CACNA1I: variants seen among roughly 807,000 people sequenced by gnomAD.
CACNA1I encodes the protein voltage-dependent T-type calcium channel subunit alpha-1I.
In CACNA1I, 74 loss-of-function variants were observed where a neutral mutation model predicts 201.6. The ratio of observed to expected loss-of-function variants is 0.37; its 90% CI spans 0.30 to 0.45. The LOEUF (loss-of-function observed/expected upper bound fraction) is 0.45, where lower values mean the gene tolerates loss of function less well. CACNA1I is among the 20% of genes least tolerant of loss of function. The probability of loss-of-function intolerance (pLI) is 1.00; values close to 1 mark genes in which losing one functional copy is unlikely to be tolerated. For missense variants in CACNA1I, 2,346 were observed against 3,138.1 expected (o/e 0.75, Z 6.03); for synonymous variants, 1,431 against 1,345.2 (o/e 1.06, Z -1.40).
At chr22:39,644,018 A>G (rs1934413062) in intron 7 of CACNA1I, among the ~76,000 whole-genome samples, 1 of 152,158 alleles carries the variant, frequency 6.6e-6, no homozygotes, top group Admixed American at 6.5e-5. Flanking sequence ...AGCCCAGAGA[A>G]GGCTCCCGAT....
Position 39,679,835 on chromosome 22 carries a change from C to A in CACNA1I, c.5508C>A (p.Ala1836=), listed in dbSNP as rs779513005. 6.2e-7 allele frequency: 1 copy of A among 1,612,690 alleles called. No homozygotes were observed. The highest frequency in any genetic ancestry group is 8.5e-7 in the Non-Finnish European group (1 of 1,179,482). ...GSIFHHYSSP[A]GCKKCHHDKQ... is the part of the protein sequence containing the mutation. The stretch of plus-strand genomic sequence containing the variant: ...TCTTCCACCACTACTCCTCGCCTGC[C>A]GGCTGCAAGAAGTGTCACCACGACA... The change falls in exon 33 of 37, where the codon GCC becomes GCA. Residue 1836 remains alanine (A), a synonymous_variant. Coordinates refer to ENST00000402142, the MANE Select transcript of CACNA1I (RefSeq NM_021096.4).
Position 39,598,274 on chromosome 22 carries a change from G to GGGC in CACNA1I, c.348+12_348+13insGGC. 7.6e-7 allele frequency: 1 copy of GGGC among 1,311,218 alleles called. No homozygotes were observed. 81.2% of individuals were successfully genotyped at this position (1,311,218 alleles called of 1,614,324 possible). A position where few individuals can be genotyped will look rare whatever the true frequency, so the allele number is the denominator to read the frequency against. On this transcript the variant is annotated intron_variant, in intron 2 of 36. Coordinates refer to ENST00000402142, the MANE Select transcript of CACNA1I (RefSeq NM_021096.4). ...GCAAGATCCTGCAGGTGAGCCGGCC[G>GGGC]CCCCGCCCCGCCCCGCCCTGCCCTC...
chr22:39,659,748 A>G lies in CACNA1I; in HGVS notation c.2500A>G (p.Thr834Ala), dbSNP rs1175637475. ...NVVLYNGMAS[T>A]SPWASLYFVA... is the part of the protein sequence containing the mutation. ...CGTTCTCTACAATGGCATGGCCTCCACTTCTCCCTGGGCCTCCCTCTACTT... is the reference window on the plus strand; with the variant it reads ...CGTTCTCTACAATGGCATGGCCTCCGCTTCTCCCTGGGCCTCCCTCTACTT... Residue 834 changes from threonine (T) to alanine (A), a missense_variant, in exon 14 of 37, where the codon ACT becomes GCT. This residue lies in a region of CACNA1I where 155 missense variants were observed against 300.8 expected (regional missense o/e 0.52). Coordinates refer to ENST00000402142, the MANE Select transcript of CACNA1I (RefSeq NM_021096.4). The surrounding 1 kb of genome is among the most constrained non-coding windows in gnomAD (Gnocchi z 4.3). 3 of 1,613,790 alleles carry G rather than the reference A, an allele frequency of 1.9e-6. No individual in the cohort carries two copies. The highest frequency in any genetic ancestry group is 2.5e-6 in the Non-Finnish European group (3 of 1,179,846).
In CACNA1I at chr22:39,648,057, C is replaced by G; in HGVS notation, c.1567+131C>G. 2 of 782,646 alleles carry G rather than the reference C, an allele frequency of 2.6e-6. No individual in the cohort carries two copies. The highest frequency in any genetic ancestry group is 2.7e-5 in the East Asian group (1 of 37,258). The allele number at this position is 782,646 out of a possible 1,614,324, so 48.5% of individuals were successfully genotyped here. A position where few individuals can be genotyped will look rare whatever the true frequency, so the allele number is the denominator to read the frequency against. The stretch of plus-strand genomic sequence containing the variant: ...GCCGCGACCCTCTGCAGGCCTGTCT[C>G]CCTCTATAAAGTGAGGACAGGGGCC... On this transcript the variant is annotated intron_variant, in intron 9 of 36. Coordinates refer to ENST00000402142, the MANE Select transcript of CACNA1I (RefSeq NM_021096.4). This position sits in a 1 kb window ranked among gnomAD's most constrained non-coding sequence, Gnocchi z 5.4.
intron 1 of CACNA1I, among the ~76,000 whole-genome samples, chr22:39,587,120 T>C (rs1334622183): frequency 6.6e-6 from 1 of 152,238 alleles, no homozygotes; most frequent in Non-Finnish European, 1.5e-5. Context: ...CTCTGTTTCC[T>C]GCCATTGCCT....
chr22:39,673,296 C>T (rs1283923539), intron 28 of CACNA1I, among the ~76,000 whole-genome samples: 1 of 152,104 alleles, frequency 6.6e-6, no homozygotes, highest in African/African-American at 2.4e-5. Context: ...ACACCTCCCC[C>T]AACACACAGG....
intron 1 of CACNA1I, among the ~76,000 whole-genome samples, chr22:39,581,904 G>C (rs1305039265): frequency 5.3e-5 from 8 of 152,174 alleles, no homozygotes. Flanking sequence ...TCTTCCCCAA[G>C]TTCAAATCCT....
chr22:39,645,192 G>A (rs1449374232), intron 7 of CACNA1I, among the ~76,000 whole-genome samples: 1 of 149,612 alleles, frequency 6.7e-6, no homozygotes, highest in Admixed American at 6.7e-5. Context: ...TCATGATGTT[G>A]GCCAGGCTGG....
intron 3 of CACNA1I, among the ~76,000 whole-genome samples, chr22:39,608,836 GA>G (rs908803155): frequency 3.8e-4 from 57 of 149,890 alleles, no homozygotes; most frequent in South Asian, 2.3e-3. Flanking sequence ...AAAGAAAAGA[GA>G]AAAAAAAAAT....
Position 39,686,310 on chromosome 22 carries a change from C to A in CACNA1I, c.6577C>A (p.Pro2193Thr). ...DRSKDPPGRAPLPMGLGPLAP... is the reference protein window; with the variant it reads ...DRSKDPPGRATLPMGLGPLAP... ...CAGCAAGGACCCCCCCGGCCGGGCACCGCTGCCCATGGGCCTGGGCCCCTT... is the reference window on the plus strand; with the variant it reads ...CAGCAAGGACCCCCCCGGCCGGGCAACGCTGCCCATGGGCCTGGGCCCCTT... Residue 2193 changes from proline (P) to threonine (T), a missense_variant, in exon 37 of 37, where the codon CCG becomes ACG. By Grantham distance (38) the Pro-to-Thr change is conservative (BLOSUM62 -1). Around this residue, in one of 13 missense-constraint regions of CACNA1I, gnomAD observed 187 missense variants for 151.0 expected, o/e 1.24. Transcript: ENST00000402142. The A allele has an allele frequency of 7.5e-7, 1 of 1,334,128 alleles. No individual in the cohort carries two copies. Among genetic ancestry groups the A allele is most frequent in the Non-Finnish European group, 9.6e-7 (1 of 1,038,626 alleles). 82.6% of individuals were successfully genotyped at this position (1,334,128 alleles called of 1,614,324 possible). A position where few individuals can be genotyped will look rare whatever the true frequency, so the allele number is the denominator to read the frequency against.
At position 39,686,051 on chromosome 22, in the gene CACNA1I, G is replaced by A; in HGVS notation, c.6318G>A (p.Ser2106=). The change falls in exon 37 of 37, where the codon TCG becomes TCA. Residue 2106 remains serine, a synonymous_variant. Transcript: ENST00000402142. The part of the protein sequence containing the change: ...GCTHHDSMDP[S]DEEGRGGAGG... The stretch of plus-strand genomic sequence containing the variant: ...CCCACCACGACTCCATGGACCCCTC[G>A]GACGAGGAGGGCCGCGGTGGCGCGG... 3 of 1,236,094 alleles carry A rather than the reference G, an allele frequency of 2.4e-6. No individual in the cohort carries two copies. The highest frequency in any genetic ancestry group is 3.0e-6 in the Non-Finnish European group (3 of 993,602). The allele number at this position is 1,236,094 out of a possible 1,614,324, so 76.6% of individuals were successfully genotyped here.
rs1048809300 is a variant in CACNA1I, at chr22:39,607,341, G to A, written c.482+6688G>A. Among the ~76,000 whole-genome samples the A allele has an allele frequency of 7.9e-5, 12 of 152,370 alleles. No homozygotes were observed. The South Asian group carries it at 2.5e-3, about 32-fold the overall frequency. ...CCTTCTCAATGTTCCTCCAACGTCA[G>A]GGAGCAGCAGGATCACTGGGGCATG... is the stretch of plus-strand genomic sequence containing the variant. On this transcript the variant is annotated intron_variant, in intron 3 of 36. Transcript: ENST00000402142.
rs894683406 is a variant in CACNA1I at position 39,676,178 on chromosome 22, C to A, written c.4855-1163C>A. ...CGGCAATCCTGGTTAAGAGATGCTG[C>A]CCCCGCCGGCCTGTGCAGGGCACAA... On this transcript the variant is annotated intron_variant, in intron 29 of 36. Coordinates refer to ENST00000402142, the MANE Select transcript of CACNA1I (RefSeq NM_021096.4). The surrounding 1 kb of genome is among the most constrained non-coding windows in gnomAD (Gnocchi z 4.8). Among the ~76,000 whole-genome samples the A allele has an allele frequency of 2.0e-5, 3 of 152,206 alleles. No homozygotes were observed. Among genetic ancestry groups the A allele is most frequent in the African/African-American group, 7.2e-5 (3 of 41,448 alleles).
At position 39,677,305 on chromosome 22, in the gene CACNA1I, C is replaced by A; in HGVS notation, c.4855-36C>A. On this transcript the variant is annotated intron_variant, in intron 29 of 36. Transcript: ENST00000402142. This position sits in a 1 kb window ranked among gnomAD's most constrained non-coding sequence, Gnocchi z 4.8. Reference sequence around the variant, plus strand: ...CAGGCCTGGTGCGCCCCCACCCGCTCCCCAGCCCCACCCGGCCTCACCTGT... The same window carrying A: ...CAGGCCTGGTGCGCCCCCACCCGCTACCCAGCCCCACCCGGCCTCACCTGT... The A allele has an allele frequency of 6.7e-7, 1 of 1,483,336 alleles. No individual in the cohort carries two copies. Among genetic ancestry groups the A allele is most frequent in the Non-Finnish European group, 9.2e-7 (1 of 1,090,916 alleles). 91.9% of individuals were successfully genotyped at this position (1,483,336 alleles called of 1,614,324 possible). A position where few individuals can be genotyped will look rare whatever the true frequency, so the allele number is the denominator to read the frequency against.
intron 5 of CACNA1I, 115 bp downstream of exon 5, chr22:39,634,839 A>C (rs1171573943): frequency 6.2e-6 from 6 of 965,712 alleles, no homozygotes; most frequent in Non-Finnish European, 9.1e-6. Flanking sequence ...AAAAAAAGAG[A>C]GGTCAGGTAG....
chr22:39,646,541 C>A (rs1373549700), intron 7 of CACNA1I, 28 bp from the exon 8 acceptor site: 2 of 1,517,532 alleles, frequency 1.3e-6, no homozygotes, highest in Admixed American at 4.0e-5. Context: ...CTGTCCCTGT[C>A]CCTGTCCTCT....
Position 39,686,231 on chromosome 22 carries a change from C to T in CACNA1I, c.6498C>T (p.His2166=), listed in dbSNP as rs1294996404. The T allele has an allele frequency of 4.8e-6, 6 of 1,240,476 alleles. No homozygotes were observed. The East Asian group carries it at 1.4e-4, about 28-fold the overall frequency. 76.8% of individuals were successfully genotyped at this position (1,240,476 alleles called of 1,614,324 possible). ...TSSLAAPGRP[H]AAALAHGLAR... ...GCCTGGCCGCCCCCGGCCGCCCCCA[C>T]GCCGCCGCCCTGGCCCACGGCCTGG... The change falls in exon 37 of 37, where the codon CAC becomes CAT. Residue 2166 remains histidine (H), a synonymous_variant. Coordinates refer to ENST00000402142, the MANE Select transcript of CACNA1I (RefSeq NM_021096.4).
At chr22:39,645,762 C>G (rs136824) in intron 7 of CACNA1I, among the ~76,000 whole-genome samples, 28,883 of 152,172 alleles carry the variant, frequency 0.19, 3,670 homozygotes, top group African/African-American at 0.36. Flanking sequence ...GAGGGGGCTG[C>G]GCCCTGAAAG....
intron 7 of CACNA1I, 110 bp from the exon 8 acceptor site, chr22:39,646,459 C>G: frequency 6.9e-7 from 1 of 1,441,212 alleles, no homozygotes; most frequent in Middle Eastern, 2.1e-4. Context: ...CCCTCTGCCT[C>G]CCTCTCCCCA....
Sources: gnomAD v4.1 joint callset for allele counts (sites outside exome capture counted in the v4.1 genomes callset) on GRCh38, gnomAD v4.1.1 for gene constraint, gnomAD v4.1.1 regional missense constraint, Gnocchi (gnomAD v3.1) non-coding constraint, MANE v1.5 for transcripts, NCBI Gene and HGNC (gene_info 2026-07-23, HGNC 2026-07-21) for gene names.